SPMIP2: variants seen among roughly 807,000 people sequenced by gnomAD.
SPMIP2 encodes sperm microtubule inner protein 2, also known as protein SPMIP2.
At chr4:158,915,145 G>A in the SPMIP2 span, 102 of 1,586,702 alleles carry the variant, frequency 6.4e-5, no homozygotes, top group Non-Finnish European at 5.8e-5. Flanking sequence ...TTTCTATGAC[G>A]ATTTAGAAAA....
the SPMIP2 span, among the ~76,000 whole-genome samples, chr4:159,071,743 G>C: frequency 1.3e-5 from 2 of 152,074 alleles, no homozygotes; most frequent in African/African-American, 4.8e-5. Flanking sequence ...GAAGAGACTG[G>C]AGGATTCTAC....
the SPMIP2 span, among the ~76,000 whole-genome samples, chr4:159,055,118 A>C: frequency 6.6e-6 from 1 of 152,180 alleles, no homozygotes; most frequent in Admixed American, 6.5e-5. Context: ...ATTTCTGGAG[A>C]GATCTCAAGG....
At chr4:158,940,326 G>A in the SPMIP2 span, among the ~76,000 whole-genome samples, 1 of 152,142 alleles carries the variant, frequency 6.6e-6, no homozygotes. Flanking sequence ...TCCATATACA[G>A]TCACATTCTG....
the SPMIP2 span, among the ~76,000 whole-genome samples, chr4:158,962,604 T>C: frequency 6.6e-6 from 1 of 152,200 alleles, no homozygotes; most frequent in Non-Finnish European, 1.5e-5. Flanking sequence ...TGCAAAATAT[T>C]ACTGTTAACC....
chr4:158,978,635 TC>T, the SPMIP2 span, among the ~76,000 whole-genome samples: 1 of 152,262 alleles, frequency 6.6e-6, no homozygotes, highest in African/African-American at 2.4e-5. Context: ...GATATTTAGC[TC>T]TTTTTATTGC....
the SPMIP2 span, among the ~76,000 whole-genome samples, chr4:158,935,510 ATTCCTGACATAGATCACATT>A: frequency 6.6e-6 from 1 of 152,196 alleles, no homozygotes; most frequent in African/African-American, 2.4e-5. Flanking sequence ...ATCTAGCCGA[ATTCCTGACATAGATCACATT>A]TTCAGTCAAT....
At chr4:158,893,843 A>G in the SPMIP2 span, 1 of 621,896 alleles carries the variant, frequency 1.6e-6, no homozygotes. Flanking sequence ...AAAGCAATAA[A>G]TTGTTATAGT....
chr4:159,017,044 G>A, the SPMIP2 span, among the ~76,000 whole-genome samples: 4 of 152,098 alleles, frequency 2.6e-5, no homozygotes, highest in Non-Finnish European at 4.4e-5. Context: ...TCTAGATGTT[G>A]CCCTCAGCAG....
the SPMIP2 span, among the ~76,000 whole-genome samples, chr4:158,969,268 C>T: frequency 1.3e-5 from 2 of 152,138 alleles, no homozygotes; most frequent in Admixed American, 6.5e-5. Context: ...GAGATACAAC[C>T]AGCTAAGCAG....
the SPMIP2 span, among the ~76,000 whole-genome samples, chr4:159,055,625 A>G: frequency 6.6e-6 from 1 of 152,124 alleles, no homozygotes; most frequent in African/African-American, 2.4e-5. Flanking sequence ...CTGGAGGATC[A>G]CTTGAGCCCA....
the SPMIP2 span, among the ~76,000 whole-genome samples, chr4:159,053,178 G>A: frequency 6.6e-5 from 10 of 150,382 alleles, no homozygotes; most frequent in Non-Finnish European, 1.5e-5. Flanking sequence ...GGATGGTCTC[G>A]ATCTCCTGAC....
chr4:158,982,637 G>A, the SPMIP2 span, among the ~76,000 whole-genome samples: 7 of 152,124 alleles, frequency 4.6e-5, no homozygotes, highest in East Asian at 1.9e-4. Context: ...GGTAAATAAC[G>A]AAATGAAGGC....
At chr4:158,977,776 A>G in the SPMIP2 span, among the ~76,000 whole-genome samples, 78 of 151,790 alleles carry the variant, frequency 5.1e-4, 1 homozygote, top group Non-Finnish European at 7.5e-4. Flanking sequence ...CACCACGCCC[A>G]GCTAATTTTT....
At chr4:158,905,765 G>A in the SPMIP2 span, 1 of 150,184 alleles carries the variant, frequency 6.7e-6, no homozygotes, top group African/African-American at 2.4e-5. Context: ...CCGTGAAACA[G>A]ACTATGTACT....
chr4:158,989,172 T>C, the SPMIP2 span, among the ~76,000 whole-genome samples: 1 of 152,070 alleles, frequency 6.6e-6, no homozygotes, highest in African/African-American at 2.4e-5. Flanking sequence ...GAATACAACT[T>C]ACAAGAGATG....
At chr4:158,898,582 T>C in the SPMIP2 span, among the ~76,000 whole-genome samples, 3 of 152,226 alleles carry the variant, frequency 2.0e-5, no homozygotes, top group Admixed American at 6.5e-5. Flanking sequence ...TACTAGGTAT[T>C]TTATTCTCTT....
the SPMIP2 span, among the ~76,000 whole-genome samples, chr4:158,933,736 A>G: frequency 6.6e-6 from 1 of 151,444 alleles, no homozygotes; most frequent in African/African-American, 2.4e-5. Flanking sequence ...CTTTTGGAAG[A>G]ATCTTTTATT....
chr4:159,008,206 C>T, the SPMIP2 span, among the ~76,000 whole-genome samples: 11 of 152,312 alleles, frequency 7.2e-5, no homozygotes, highest in Admixed American at 1.3e-4. Context: ...GTTTCATATA[C>T]CTGTTATTGT....
chr4:158,990,504 A>G, the SPMIP2 span, among the ~76,000 whole-genome samples: 1 of 152,212 alleles, frequency 6.6e-6, no homozygotes, highest in East Asian at 1.9e-4. Flanking sequence ...CCCATCAATG[A>G]AAGACTGGAT....
Sources: allele counts gnomAD v4.1 joint callset (sites outside exome capture counted in the v4.1 genomes callset), GRCh38; gene constraint gnomAD v4.1.1; transcripts MANE v1.5; gene names NCBI Gene and HGNC (gene_info 2026-07-23, HGNC 2026-07-21).